TANGO6: variants seen among roughly 807,000 people sequenced by gnomAD.
The protein encoded by TANGO6 is transport and Golgi organization protein 6 homolog.
Under a neutral mutation model 114.2 loss-of-function variants are expected in TANGO6, and 90 were observed. The observed-to-expected ratio is 0.79, with a 90% CI of 0.66 to 0.94. The LOEUF is 0.94. Among genes scored for constraint, TANGO6 ranks in the 40% least tolerant of loss-of-function variants. The pLI is 0.00. For missense variants in TANGO6, 1,274 were observed against 1,315.3 expected, an observed-to-expected ratio of 0.97 and a Z score of 0.49; for synonymous variants, 477 against 509.8, an observed-to-expected ratio of 0.94 and a Z score of 0.87.
At chr16:68,968,222 C>T (rs1963664484) in intron 14 of TANGO6, among the ~76,000 whole-genome samples, 1 of 152,026 alleles carries the variant, frequency 6.6e-6, no homozygotes. Context: ...CACGCCACCA[C>T]GCCCAGCTAA....
At chr16:68,943,140 A>T (rs1340236709) in intron 14 of TANGO6, among the ~76,000 whole-genome samples, 1 of 151,780 alleles carries the variant, frequency 6.6e-6, no homozygotes, top group African/African-American at 2.4e-5. Flanking sequence ...GGCTCAAGCA[A>T]TCAGCCTGCC....
At chr16:68,928,128 A>C in intron 13 of TANGO6, 45 bp downstream of exon 13, 1 of 1,496,016 alleles carries the variant, frequency 6.7e-7, no homozygotes, top group Non-Finnish European at 8.9e-7. Context: ...AGGGTGGGGC[A>C]TTCATTCAAC....
At position 68,843,595 on chromosome 16, in the gene TANGO6, G is replaced by C; in HGVS notation, c.-23G>C. ...CTGCCGAGGCGCCTGAGCGGGTCGCGAGCGTGGTGTTACACTCCAGTCATG... is the reference window on the plus strand; with the variant it reads ...CTGCCGAGGCGCCTGAGCGGGTCGCCAGCGTGGTGTTACACTCCAGTCATG... On this transcript the variant is annotated 5_prime_UTR_variant, in exon 1 of 18. Transcript: ENST00000261778. 1 of 1,609,160 alleles carries C rather than the reference G, an allele frequency of 6.2e-7. No individual in the cohort carries two copies. The highest frequency in any genetic ancestry group is 8.5e-7 in the Non-Finnish European group (1 of 1,177,384).
intron 7 of TANGO6, among the ~76,000 whole-genome samples, chr16:68,887,046 G>A (rs1445183677): frequency 6.6e-6 from 1 of 152,056 alleles, no homozygotes; most frequent in Non-Finnish European, 1.5e-5. Context: ...GACCTCAGGT[G>A]ATCCACCTGC....
chr16:68,882,762 T>C (rs1175319720), intron 7 of TANGO6, among the ~76,000 whole-genome samples: 1 of 152,124 alleles, frequency 6.6e-6, no homozygotes, highest in Admixed American at 6.5e-5. Flanking sequence ...CTCATGCCTG[T>C]AATCCCAACA....
intron 14 of TANGO6, among the ~76,000 whole-genome samples, chr16:68,933,488 C>T (rs1423058771): frequency 1.3e-5 from 2 of 152,236 alleles, no homozygotes; most frequent in African/African-American, 4.8e-5. Context: ...ATCACTCACG[C>T]ATCTGTAGAC....
intron 11 of TANGO6, among the ~76,000 whole-genome samples, chr16:68,912,115 A>G (rs749230190): frequency 2.7e-4 from 41 of 152,232 alleles, no homozygotes; most frequent in Non-Finnish European, 5.4e-4. Context: ...TTCCTGTAAG[A>G]ATTGTATGTC....
chr16:69,048,938 C>T (rs1050205242), intron 17 of TANGO6, among the ~76,000 whole-genome samples: 15 of 152,100 alleles, frequency 9.9e-5, no homozygotes, highest in African/African-American at 3.4e-4. Context: ...AAAGTCAAAG[C>T]CAGGCCCAGG....
chr16:69,011,437 C>T (rs1964142495), intron 15 of TANGO6, among the ~76,000 whole-genome samples: 1 of 150,972 alleles, frequency 6.6e-6, no homozygotes, highest in African/African-American at 2.4e-5. Context: ...TCCTCTGACT[C>T]CAAAAGTTTA....
intron 16 of TANGO6, among the ~76,000 whole-genome samples, chr16:69,037,810 A>G (rs1959714067): frequency 6.6e-6 from 1 of 152,242 alleles, no homozygotes; most frequent in Non-Finnish European, 1.5e-5. Flanking sequence ...TTTGTCTGAT[A>G]GATGCACAAG....
At chr16:68,863,501 T>G (rs112931811) in intron 3 of TANGO6, among the ~76,000 whole-genome samples, 9 of 152,020 alleles carry the variant, frequency 5.9e-5, no homozygotes, top group Admixed American at 3.9e-4. Context: ...TCCCAGCTAC[T>G]TGGGAGGCTG....
At chr16:69,005,520 G>C (rs1033746270) in intron 15 of TANGO6, among the ~76,000 whole-genome samples, 1 of 152,078 alleles carries the variant, frequency 6.6e-6, no homozygotes, top group Non-Finnish European at 1.5e-5. Flanking sequence ...GGCCAGGCAC[G>C]GTGGCTCATG....
intron 12 of TANGO6, 90 bp from the exon 13 acceptor site, chr16:68,927,478 T>C: frequency 6.9e-7 from 1 of 1,440,470 alleles, no homozygotes; most frequent in Non-Finnish European, 9.5e-7. Flanking sequence ...ATCCCTGCCC[T>C]TTTTTCTCAG....
rs149264618 is a variant in TANGO6, at chr16:69,075,948, A to T, written c.3109-7537A>T. 3.1e-3 allele frequency among the ~76,000 whole-genome samples: 474 copies of T among 151,658 alleles called. 4 individuals carry two copies. Among genetic ancestry groups the T allele is most frequent in the African/African-American group, 0.011 (459 of 41,348 alleles). On this transcript the variant is annotated intron_variant, in intron 17 of 17. Transcript: ENST00000261778. ...CCCAGCTACTTTTTTGTATTTTAGT[A>T]GAGACGGGGTTTCACCATGTTGGCC... is the stretch of plus-strand genomic sequence containing the variant.
chr16:69,006,778 T>G (rs1964095419), intron 15 of TANGO6, among the ~76,000 whole-genome samples: 1 of 151,986 alleles, frequency 6.6e-6, no homozygotes, highest in South Asian at 2.1e-4. Flanking sequence ...AAAAACAAAC[T>G]TATTGAAATA....
At chr16:68,909,556 G>C (rs1309083916) in intron 11 of TANGO6, 154 bp downstream of exon 11, 6 of 632,426 alleles carry the variant, frequency 9.5e-6, no homozygotes, top group Non-Finnish European at 1.4e-5. Context: ...CCCACACCAG[G>C]CCACTGAATC....
chr16:68,983,799 C>T (rs1015638303), intron 15 of TANGO6, among the ~76,000 whole-genome samples: 4 of 151,904 alleles, frequency 2.6e-5, no homozygotes, highest in Non-Finnish European at 4.4e-5. Context: ...TTTGGGAGGC[C>T]GAGGCGGGCG....
intron 3 of TANGO6, 169 bp downstream of exon 3, chr16:68,863,230 C>A: frequency 2.3e-6 from 1 of 438,922 alleles, no homozygotes; most frequent in Non-Finnish European, 4.0e-6. Context: ...TGACGCTGAC[C>A]CTTAGGATAA....
chr16:69,035,042 G>A (rs901971049), intron 16 of TANGO6: 2 of 152,106 alleles, frequency 1.3e-5, no homozygotes, highest in Non-Finnish European at 2.9e-5. Flanking sequence ...CAGGTGACAA[G>A]TCCAGTCTCC....
Sources: allele counts gnomAD v4.1 joint callset (sites outside exome capture counted in the v4.1 genomes callset), GRCh38; gene constraint gnomAD v4.1.1; transcripts MANE v1.5; gene names NCBI Gene and HGNC (gene_info 2026-07-23, HGNC 2026-07-21).